The following LYPD5 variants were observed in gnomAD, a reference collection of about 807,000 sequenced individuals.
The protein encoded by LYPD5 is ly6/PLAUR domain-containing protein 5.
A neutral mutation model predicts 19.1 loss-of-function variants in LYPD5; 21 were observed. That is an observed-to-expected ratio of 1.10 (90% CI 0.78 to 1.58). LYPD5 has a LOEUF of 1.58. Ranked by LOEUF, LYPD5 falls within the 40% of genes most tolerant of loss-of-function variation. LYPD5 has a pLI of 0.00. For missense variants in LYPD5, 287 were observed against 329.8 expected, an observed-to-expected ratio of 0.87 and a Z score of 1.00; for synonymous variants, 128 against 142.7, an observed-to-expected ratio of 0.90 and a Z score of 0.74.
chr19:43,800,696 T>C (rs1391669162), intron 1 of LYPD5, among the ~76,000 whole-genome samples: 1 of 152,140 alleles, frequency 6.6e-6, no homozygotes, highest in East Asian at 1.9e-4. Flanking sequence ...GGGTGGTGGC[T>C]CATGCCTATA....
rs756474903 is a variant in LYPD5 at position 43,798,482 on chromosome 19, A to G, written c.490T>C (p.Phe164Leu). The G allele has an allele frequency of 1.2e-6, 2 of 1,608,834 alleles. No individual in the cohort carries two copies. The highest frequency in any genetic ancestry group is 2.2e-5 in the South Asian group (2 of 91,086). Residue 164 changes from phenylalanine to leucine, a missense_variant, in exon 4 of 5, where the codon TTC becomes CTC. Phe to Leu is a conservative substitution (Grantham distance 22). Transcript: ENST00000377950. ...VQCHQDQTAC[F>L]QGNGRMTVGN... Reference sequence around the variant, plus strand: ...ACTGTCATTCTGCCATTGCCCTGGAAGCAGGCGGTCTGGTCCTGGTGACAC... The same window carrying G: ...ACTGTCATTCTGCCATTGCCCTGGAGGCAGGCGGTCTGGTCCTGGTGACAC...
rs887315529 is a variant in LYPD5, at chr19:43,813,128, C to T, written c.-66+7412G>A. ...AATTACGTTACTATGAGGTAGCTGG[C>T]TGGTCTCCTTGAGAAGCAGTTGCAT... is the stretch of plus-strand genomic sequence containing the variant. On this transcript the variant is annotated intron_variant, in intron 1 of 4. Transcript: ENST00000414615. Among the ~76,000 whole-genome samples the T allele has an allele frequency of 3.3e-5, 5 of 152,230 alleles. No homozygotes were observed. The East Asian group carries it at 9.6e-4, about 29-fold the overall frequency.
Position 43,798,527 on chromosome 19 carries a change from C to G in LYPD5, c.445G>C (p.Gly149Arg), listed in dbSNP as rs1460297359. ...TGACACTGGACTCGTCGGGACCTGCCGATAGCGCAGTCATCCTGGTGGACC... is the reference window on the plus strand; with the variant it reads ...TGACACTGGACTCGTCGGGACCTGCGGATAGCGCAGTCATCCTGGTGGACC... The part of the protein sequence containing the change: ...IGVHQDDCAI[G>R]RSRRVQCHQD... The change falls in exon 4 of 5, where the codon GGC becomes CGC. Residue 149 changes from glycine to arginine, a missense_variant. Coordinates refer to ENST00000377950, the MANE Select transcript of LYPD5 (RefSeq NM_001031749.3). 5.6e-6 allele frequency: 9 copies of G among 1,611,770 alleles called. No homozygotes were observed. Among genetic ancestry groups the G allele is most frequent in the Non-Finnish European group, 7.6e-6 (9 of 1,180,030 alleles).
rs577482267 is a variant in LYPD5 at position 43,799,009 on chromosome 19, C to T, written c.194-21G>A. 79 of 1,543,734 alleles carry T rather than the reference C, an allele frequency of 5.1e-5. 2 individuals carry two copies. In the South Asian group the frequency reaches 8.8e-4, roughly 17 times the overall value. ...ATACCCTGGGGGCGGGATCGGGGCT[C>T]GTGCTCTGCTTCCCGAAACCCTTCT... is the stretch of plus-strand genomic sequence containing the variant. On this transcript the variant is annotated intron_variant, in intron 2 of 4. Coordinates refer to ENST00000377950, the MANE Select transcript of LYPD5 (RefSeq NM_001031749.3).
upstream of LYPD5, among the ~76,000 whole-genome samples, chr19:43,805,008 C>T (rs1415291938): frequency 6.6e-6 from 1 of 152,134 alleles, no homozygotes; most frequent in African/African-American, 2.4e-5. Context: ...CTCCCTGTAC[C>T]TTTTGGGAGC....
At chr19:43,812,794 T>C (rs1055731764) in intron 1 of LYPD5, among the ~76,000 whole-genome samples, 2 of 152,240 alleles carry the variant, frequency 1.3e-5, no homozygotes, top group African/African-American at 2.4e-5. Flanking sequence ...TTATACTCTT[T>C]TAACTACACG....
intron 1 of LYPD5, among the ~76,000 whole-genome samples, chr19:43,814,139 C>T (rs1041766569): frequency 6.6e-6 from 1 of 152,202 alleles, no homozygotes; most frequent in Non-Finnish European, 1.5e-5. Context: ...AAACAGAAAG[C>T]CATGGGCCAT....
chr19:43,800,830 G>A (rs1970213169), intron 1 of LYPD5, among the ~76,000 whole-genome samples: 1 of 151,918 alleles, frequency 6.6e-6, no homozygotes, highest in Non-Finnish European at 1.5e-5. Context: ...GCATGGTGGT[G>A]CACGCCTGTG....
upstream of LYPD5, among the ~76,000 whole-genome samples, chr19:43,804,269 C>A (rs1445257327): frequency 6.6e-6 from 1 of 152,134 alleles, no homozygotes; most frequent in East Asian, 1.9e-4. Flanking sequence ...CCCCTATCGC[C>A]CAGTCTCTGT....
At chr19:43,812,097 G>A (rs1388717276) in intron 1 of LYPD5, among the ~76,000 whole-genome samples, 2 of 152,142 alleles carry the variant, frequency 1.3e-5, no homozygotes, top group East Asian at 3.9e-4. Context: ...GCAGGCCTCA[G>A]TTCTCCTCCA....
chr19:43,800,893 A>C (rs1425434243), intron 1 of LYPD5, among the ~76,000 whole-genome samples: 2 of 151,708 alleles, frequency 1.3e-5, no homozygotes, highest in Non-Finnish European at 2.9e-5. Context: ...CCTGGGAAGC[A>C]GAGGTTGCAG....
At chr19:43,800,681 G>A (rs971876895) in intron 1 of LYPD5, among the ~76,000 whole-genome samples, 4 of 152,164 alleles carry the variant, frequency 2.6e-5, no homozygotes, top group Non-Finnish European at 5.9e-5. Flanking sequence ...ATATATGGAG[G>A]CCAGGGGTGG....
intron 1 of LYPD5, among the ~76,000 whole-genome samples, chr19:43,807,953 T>C (rs1818857145): frequency 6.6e-6 from 1 of 152,196 alleles, no homozygotes; most frequent in South Asian, 2.1e-4. Context: ...TAGTGTATTT[T>C]TCTCCATCTC....
chr19:43,819,605 C>T (rs910316647), intron 1 of LYPD5, among the ~76,000 whole-genome samples: 5 of 151,998 alleles, frequency 3.3e-5, no homozygotes, highest in South Asian at 4.2e-4. Flanking sequence ...CCTAGACCCC[C>T]GTTGGAAAAA....
chr19:43,804,127 T>C (rs928065424), upstream of LYPD5, among the ~76,000 whole-genome samples: 2 of 152,184 alleles, frequency 1.3e-5, no homozygotes, highest in Non-Finnish European at 2.9e-5. Flanking sequence ...CGTGAGCCAC[T>C]GTGCCCGGCC....
Position 43,809,411 on chromosome 19 carries a change from G to A in LYPD5, c.-65-9577C>T, listed in dbSNP as rs143840263. Among the ~76,000 whole-genome samples, 1,253 of 146,576 alleles carry A rather than the reference G, an allele frequency of 8.5e-3. 15 individuals are homozygous for A. Among genetic ancestry groups the A allele is most frequent in the African/African-American group, 0.03 (1,198 of 39,642 alleles). ...ATTTATTTATTTAAGACAGAGCTTCGTTCTTGTCACCCAGGCTGGAGTGCA... is the reference window on the plus strand; with the variant it reads ...ATTTATTTATTTAAGACAGAGCTTCATTCTTGTCACCCAGGCTGGAGTGCA... On this transcript the variant is annotated intron_variant, in intron 1 of 4. Coordinates refer to the LYPD5 transcript ENST00000414615.
Position 43,798,596 on chromosome 19 carries a change from C to T in LYPD5, c.376G>A (p.Asp126Asn), listed in dbSNP as rs747282478. 3 of 1,610,026 alleles carry T rather than the reference C, an allele frequency of 1.9e-6. No individual in the cohort carries two copies. The highest frequency in any genetic ancestry group is 1.7e-6 in the Non-Finnish European group (2 of 1,180,014). ...DALPNLSQAP[D>N]PPTLSGAECY... The stretch of plus-strand genomic sequence containing the variant: ...TCGGCGCCGCTGAGCGTCGGCGGGT[C>T]GGGTGCTGGCAAGAGAGCGTAGATG... The change falls in exon 4 of 5, where the codon GAC (aspartate) becomes AAC (asparagine). Residue 126 changes from aspartate to asparagine, a missense_variant. Transcript: ENST00000377950.
At position 43,797,278 on chromosome 19, in the gene LYPD5, A is replaced by G; in HGVS notation, c.*313T>C. On this transcript the variant is annotated 3_prime_UTR_variant, in exon 5 of 5. Transcript: ENST00000377950. ...GAGCTGCGACAGGCTCTGGAGGGAG[A>G]GCACAGGAAGCCGTGTTATGGGGTG... The G allele has an allele frequency of 2.9e-6, 1 of 339,972 alleles. No homozygotes were observed. The highest frequency in any genetic ancestry group is 5.4e-6 in the Non-Finnish European group (1 of 185,370). 21.1% of individuals were successfully genotyped at this position (339,972 alleles called of 1,614,324 possible).
chr19:43,800,842 T>G (rs563673037), intron 1 of LYPD5, among the ~76,000 whole-genome samples: 1 of 151,698 alleles, frequency 6.6e-6, no homozygotes, highest in South Asian at 2.1e-4. Context: ...ACGCCTGTGG[T>G]CCCAGCTACT....
Sources: gnomAD v4.1 joint callset for allele counts (sites outside exome capture counted in the v4.1 genomes callset) on GRCh38, gnomAD v4.1.1 for gene constraint, MANE v1.5 for transcripts, NCBI Gene and HGNC (gene_info 2026-07-23, HGNC 2026-07-21) for gene names.